PDSS2: variants seen among roughly 807,000 people sequenced by gnomAD.
PDSS2 encodes all trans-polyprenyl-diphosphate synthase PDSS2.
In PDSS2, 31 loss-of-function variants were observed where a neutral mutation model predicts 44.5. The ratio of observed to expected loss-of-function variants is 0.70; its 90% CI spans 0.52 to 0.94. PDSS2 has a LOEUF of 0.94. Ranked by LOEUF, PDSS2 falls within the 40% of genes least tolerant of loss-of-function variation. The pLI, the probability that PDSS2 is intolerant of heterozygous loss-of-function variation, is 0.00. For missense variants in PDSS2, 452 were observed against 482.2 expected, an observed-to-expected ratio of 0.94 and a Z score of 0.59; for synonymous variants, 157 against 180.3, an observed-to-expected ratio of 0.87 and a Z score of 1.03.
chr6:107,227,274 T>C (rs1773860935), intron 4 of PDSS2, among the ~76,000 whole-genome samples: 1 of 105,114 alleles, frequency 9.5e-6, no homozygotes, highest in East Asian at 3.2e-4. Flanking sequence ...TAAGCCACTG[T>C]GCCCTTTTTT....
intron 7 of PDSS2, among the ~76,000 whole-genome samples, chr6:107,155,565 T>C (rs1056685613): frequency 6.6e-5 from 10 of 151,856 alleles, no homozygotes; most frequent in Non-Finnish European, 1.5e-4. Context: ...ACACATAGTA[T>C]TAGATCTGAA....
chr6:107,340,022 GA>G (rs1371593334), intron 1 of PDSS2, among the ~76,000 whole-genome samples: 2 of 150,352 alleles, frequency 1.3e-5, no homozygotes, highest in Non-Finnish European at 3.0e-5. Flanking sequence ...ACCCAATTAG[GA>G]AACTTTTGTA....
chr6:107,313,943 G>A (rs1777124521), intron 2 of PDSS2, among the ~76,000 whole-genome samples: 1 of 151,996 alleles, frequency 6.6e-6, no homozygotes, highest in Admixed American at 6.6e-5. Flanking sequence ...TGGAGGACAG[G>A]CGTTCAAGAC....
chr6:107,378,777 G>A (rs757583179), intron 1 of PDSS2, among the ~76,000 whole-genome samples: 12 of 152,114 alleles, frequency 7.9e-5, no homozygotes, highest in South Asian at 2.1e-4. Flanking sequence ...CAGAGTATCC[G>A]TCTCAACAAT....
intron 2 of PDSS2, among the ~76,000 whole-genome samples, chr6:107,282,412 A>G (rs1435673518): frequency 3.9e-5 from 6 of 152,080 alleles, no homozygotes; most frequent in Non-Finnish European, 1.5e-5. Context: ...TTATTTTTAG[A>G]AACAGGGTCT....
At chr6:107,351,375 T>C (rs563883912) in intron 1 of PDSS2, among the ~76,000 whole-genome samples, 3 of 152,234 alleles carry the variant, frequency 2.0e-5, no homozygotes, top group Non-Finnish European at 4.4e-5. Context: ...AGACCAATAC[T>C]AAATTTAAGG....
chr6:107,262,726 C>T (rs1477725585), intron 3 of PDSS2, among the ~76,000 whole-genome samples: 1 of 151,778 alleles, frequency 6.6e-6, no homozygotes, highest in Non-Finnish European at 1.5e-5. Flanking sequence ...GAGCCAGGAT[C>T]GTGCCACTGC....
intron 7 of PDSS2, among the ~76,000 whole-genome samples, chr6:107,173,796 G>A (rs1554249234): frequency 6.6e-6 from 1 of 152,074 alleles, no homozygotes; most frequent in East Asian, 1.9e-4. Flanking sequence ...GTATTGACAT[G>A]TTGAACAAAA....
chr6:107,161,154 C>T (rs148591963), intron 7 of PDSS2, among the ~76,000 whole-genome samples: 4,745 of 151,874 alleles, frequency 0.031, 261 homozygotes, highest in African/African-American at 0.11. Context: ...GGATTACAGG[C>T]GTGAGCCACC....
At chr6:107,287,211 C>A (rs1222568476) in intron 2 of PDSS2, among the ~76,000 whole-genome samples, 1 of 152,162 alleles carries the variant, frequency 6.6e-6, no homozygotes, top group South Asian at 2.1e-4. Context: ...CACAGACATA[C>A]AATTTGGCAA....
At chr6:107,191,458 T>C (rs904756137) in intron 7 of PDSS2, among the ~76,000 whole-genome samples, 4 of 152,122 alleles carry the variant, frequency 2.6e-5, no homozygotes, top group African/African-American at 9.7e-5. Flanking sequence ...GTTTCTCACA[T>C]GGTAAGTTTC....
At chr6:107,236,949 T>A (rs1774246297) in intron 4 of PDSS2, among the ~76,000 whole-genome samples, 1 of 152,110 alleles carries the variant, frequency 6.6e-6, no homozygotes, top group Non-Finnish European at 1.5e-5. Context: ...TATCTTTTTT[T>A]TTTTTTTGAG....
At chr6:107,390,836 T>G (rs1779757267) in intron 1 of PDSS2, among the ~76,000 whole-genome samples, 2 of 152,146 alleles carry the variant, frequency 1.3e-5, no homozygotes, top group Non-Finnish European at 2.9e-5. Context: ...GACATTATGC[T>G]CATCTGATGT....
At chr6:107,291,120 G>A (rs888196749) in intron 2 of PDSS2, among the ~76,000 whole-genome samples, 4 of 151,978 alleles carry the variant, frequency 2.6e-5, no homozygotes, top group Non-Finnish European at 5.9e-5. Context: ...CTAATTATAA[G>A]TGCCAAATAT....
At chr6:107,421,689 G>A (rs775835334) in intron 1 of PDSS2, among the ~76,000 whole-genome samples, 1 of 151,420 alleles carries the variant, frequency 6.6e-6, no homozygotes. Flanking sequence ...AAAATTCCTG[G>A]TGCTGCACTT....
chr6:107,164,744 T>C (rs1582720773), intron 7 of PDSS2, among the ~76,000 whole-genome samples: 1 of 152,354 alleles, frequency 6.6e-6, no homozygotes, highest in Non-Finnish European at 1.5e-5. Context: ...ATCGCCACAC[T>C]GTCTTCCACA....
At chr6:107,384,494 A>C (rs1779550284) in intron 1 of PDSS2, among the ~76,000 whole-genome samples, 1 of 152,056 alleles carries the variant, frequency 6.6e-6, no homozygotes, top group Non-Finnish European at 1.5e-5. Flanking sequence ...TACAAAAATT[A>C]GCAGGGCATG....
chr6:107,159,557 C>A (rs1347126127), intron 7 of PDSS2, among the ~76,000 whole-genome samples: 2 of 151,750 alleles, frequency 1.3e-5, no homozygotes, highest in African/African-American at 4.8e-5. Flanking sequence ...GCTGGGACTA[C>A]AGGCACGTGC....
At chr6:107,185,582 A>T (rs1337406736) in intron 7 of PDSS2, among the ~76,000 whole-genome samples, 1 of 152,252 alleles carries the variant, frequency 6.6e-6, no homozygotes, top group African/African-American at 2.4e-5. Flanking sequence ...AGGCTAAACT[A>T]CAGGCATACG....
Sources: allele counts gnomAD v4.1 joint callset (sites outside exome capture counted in the v4.1 genomes callset), GRCh38; gene constraint gnomAD v4.1.1; transcripts MANE v1.5; gene names NCBI Gene and HGNC (gene_info 2026-07-23, HGNC 2026-07-21).